SBNO2: variants seen among roughly 807,000 people sequenced by gnomAD.
SBNO2 encodes strawberry notch homolog 2.
A neutral mutation model predicts 146.3 loss-of-function variants in SBNO2; 89 were observed. The ratio of observed to expected loss-of-function variants is 0.61; its 90% CI spans 0.51 to 0.73. The LOEUF is 0.73. SBNO2 is among the 30% of genes least tolerant of loss of function. SBNO2 has a pLI of 0.00. For synonymous variants in SBNO2, 1,147 were observed against 892.6 expected (o/e 1.29, Z -5.08); for missense variants, 2,092 against 2,003.7 (o/e 1.04, Z -0.84).
chr19:1,131,454 C>T (rs2080027444), intron 4 of SBNO2, among the ~76,000 whole-genome samples: 2 of 152,172 alleles, frequency 1.3e-5, no homozygotes, highest in African/African-American at 4.8e-5. Flanking sequence ...TGGCTCTGCC[C>T]GCTTCAAAAG....
In SBNO2 at chr19:1,116,847, C is replaced by T. The variant is rs777285330; in HGVS notation, c.1784G>A (p.Cys595Tyr). 6.7e-5 allele frequency: 107 copies of T among 1,590,718 alleles called. No individual in the cohort carries two copies. The highest frequency in any genetic ancestry group is 9.4e-5 in the African/African-American group (7 of 74,538). ...CACTTACTCAGCGGCCGAGACGAAG[C>T]AGTTGAGGTGCCCATCGTTCTCCCC... The part of the protein sequence containing the change: ...VLGENDGHLN[C>Y]FVSAAEGVFL... Residue 595 changes from cysteine (C) to tyrosine (Y), a missense_variant, in exon 16 of 32, where the codon TGC becomes TAC. Cys to Tyr is a radical substitution (Grantham distance 194). Transcript: ENST00000361757.
At chr19:1,111,209 C>T in intron 24 of SBNO2, 116 bp from the exon 25 acceptor site, 2 of 1,222,200 alleles carry the variant, frequency 1.6e-6, no homozygotes, top group East Asian at 2.5e-5. Context: ...CAGCTGCAGC[C>T]TAGGGCCAGG....
At position 1,158,437 on chromosome 19, in the gene SBNO2, G is replaced by A. The variant is rs1348812729; in HGVS notation, c.-126-4035C>T. ...CTCAGGCCACGCTGTGCCCACGTTC[G>A]CGACGGCAAAGCGGAGACCCTGAGA... On this transcript the variant is annotated intron_variant, in intron 1 of 31. Coordinates refer to ENST00000361757, the MANE Select transcript of SBNO2 (RefSeq NM_014963.3). This position sits in a 1 kb window ranked among gnomAD's most constrained non-coding sequence, Gnocchi z 9.9. Among the ~76,000 whole-genome samples, 1 of 152,130 alleles carries A rather than the reference G, an allele frequency of 6.6e-6. No homozygotes were observed. The highest frequency in any genetic ancestry group is 2.4e-5 in the African/African-American group (1 of 41,424).
At chr19:1,129,734 G>T (rs977931072) in intron 4 of SBNO2, among the ~76,000 whole-genome samples, 2 of 152,188 alleles carry the variant, frequency 1.3e-5, no homozygotes, top group African/African-American at 4.8e-5. Flanking sequence ...AGCCAGGAGC[G>T]GGGGTGAGTT....
chr19:1,143,017 T>G (rs550929918), intron 4 of SBNO2, among the ~76,000 whole-genome samples: 9 of 152,246 alleles, frequency 5.9e-5, no homozygotes, highest in Admixed American at 5.2e-4. Flanking sequence ...GGGTTTTACA[T>G]TCACCCTCAC....
intron 5 of SBNO2, among the ~76,000 whole-genome samples, chr19:1,125,661 G>GAGAGACTCTGTCTTAAAAAAAGAAAAAAA: frequency 6.8e-6 from 1 of 146,094 alleles, no homozygotes; most frequent in South Asian, 2.2e-4. Flanking sequence ...CGACAAGAGC[G>GAGAGACTCTGTCTTAAAAAAAGAAAAAAA]AGAGACTCTG....
At position 1,157,284 on chromosome 19, in the gene SBNO2, T is replaced by C. The variant is rs1436997705; in HGVS notation, c.-126-2882A>G. The stretch of plus-strand genomic sequence containing the variant: ...CCCAGGATAAACCCTAGTGGGACAC[T>C]GGGTGGGGTCTTGGGGCCTGAGAAC... On this transcript the variant is annotated intron_variant, in intron 1 of 31. Transcript: ENST00000361757. This position sits in a 1 kb window ranked among gnomAD's most constrained non-coding sequence, Gnocchi z 6.8. 1.8e-4 allele frequency among the ~76,000 whole-genome samples: 27 copies of C among 151,778 alleles called. No individual in the cohort carries two copies. Among genetic ancestry groups the C allele is most frequent in the Admixed American group, 1.8e-3 (27 of 15,214 alleles).
rs2080171665 is a variant in SBNO2 at position 1,144,775 on chromosome 19, GACAA to G, written c.279+2530_279+2533del. 6.6e-6 allele frequency among the ~76,000 whole-genome samples: 1 copy of G among 151,118 alleles called. No homozygotes were observed. ...AGGGAGACAGAGAGACAGAGGCAGA[GACAA>G]AGAGACAGAGACAGAGAGGGAGACA... On this transcript the variant is annotated intron_variant, in intron 4 of 31. Transcript: ENST00000361757. This position sits in a 1 kb window ranked among gnomAD's most constrained non-coding sequence, Gnocchi z 4.1.
intron 24 of SBNO2, 93 bp from the exon 25 acceptor site, chr19:1,111,186 G>A (rs545673330): frequency 2.9e-6 from 4 of 1,389,682 alleles, no homozygotes; most frequent in African/African-American, 2.9e-5. Context: ...CAGCTCCCTG[G>A]GGGGCTGGGG....
At chr19:1,170,924 C>A (rs1223203883) in intron 1 of SBNO2, among the ~76,000 whole-genome samples, 1 of 1,460 alleles carries the variant, frequency 6.8e-4, no homozygotes, top group East Asian at 0.045. Flanking sequence ...TGGGCACAGG[C>A]AACACACACA....
chr19:1,111,490 C>T lies in SBNO2; in HGVS notation c.2809+16G>A. ...CCCCTGCCCCTCCCAGGAAGACCCC[C>T]ACCAGCCCAGCTTACCCCGGAAGAA... On this transcript the variant is annotated intron_variant, in intron 24 of 31. Coordinates refer to ENST00000361757, the MANE Select transcript of SBNO2 (RefSeq NM_014963.3). 6.5e-7 allele frequency: 1 copy of T among 1,536,578 alleles called. No individual in the cohort carries two copies. The highest frequency in any genetic ancestry group is 8.8e-7 in the Non-Finnish European group (1 of 1,131,266).
chr19:1,110,578 TC>T lies in SBNO2; in HGVS notation c.3028+166del. On this transcript the variant is annotated intron_variant, in intron 26 of 31. Transcript: ENST00000361757. The surrounding 1 kb of genome is among the most constrained non-coding windows in gnomAD (Gnocchi z 4.9). ...CGAGCCCACCTGGGATGCCCGGCGT[TC>T]CCACGAGCCCCTCGCCCACCCGGGA... 1.4e-6 allele frequency: 1 copy of T among 736,908 alleles called. No homozygotes were observed. Among genetic ancestry groups the T allele is most frequent in the South Asian group, 2.8e-5 (1 of 35,210 alleles). The allele number at this position is 736,908 out of a possible 1,614,324, so 45.6% of individuals were successfully genotyped here.
chr19:1,118,201 G>A (rs2079855875), intron 14 of SBNO2, among the ~76,000 whole-genome samples: 2 of 152,196 alleles, frequency 1.3e-5, no homozygotes, highest in African/African-American at 4.8e-5. Flanking sequence ...TGGCCGGGCT[G>A]GTGGCACATG....
rs764057761 is a variant in SBNO2, at chr19:1,109,566, G to A, written c.3156C>T (p.Asp1052=). ...TCAGCGCCAGCGACTTGGCAAAGGC[G>A]TCCTCCCACTTCAGGCCGCGGTCCA... The part of the protein sequence containing the change: ...ISVDRGLKWE[D]AFAKSLALTG... Residue 1052 remains aspartate, a synonymous_variant, in exon 28 of 32, where the codon GAC becomes GAT. Transcript: ENST00000361757. The surrounding 1 kb of genome is among the most constrained non-coding windows in gnomAD (Gnocchi z 4.2). 3.8e-6 allele frequency: 6 copies of A among 1,599,276 alleles called. No individual in the cohort carries two copies. Among genetic ancestry groups the A allele is most frequent in the Admixed American group, 1.7e-5 (1 of 58,132 alleles).
intron 5 of SBNO2, chr19:1,127,403 C>T (rs1044256603): frequency 5.0e-5 from 30 of 600,536 alleles, no homozygotes; most frequent in East Asian, 1.1e-4. Context: ...ATGTCCTGGA[C>T]GTCGCCTTCT....
At chr19:1,113,839 C>A in intron 18 of SBNO2, 135 bp from the exon 19 acceptor site, 1 of 1,188,862 alleles carries the variant, frequency 8.4e-7, no homozygotes, top group Non-Finnish European at 1.1e-6. Context: ...GGCGGGGAAG[C>A]CCGGCACCGT....
At chr19:1,169,853 G>T (rs2080460828) in intron 1 of SBNO2, among the ~76,000 whole-genome samples, 1 of 152,096 alleles carries the variant, frequency 6.6e-6, no homozygotes, top group Admixed American at 6.5e-5. Flanking sequence ...GTATTCTAAG[G>T]CAGACCACCA....
intron 4 of SBNO2, among the ~76,000 whole-genome samples, chr19:1,143,782 G>A (rs999323952): frequency 1.1e-4 from 17 of 152,110 alleles, no homozygotes; most frequent in Admixed American, 2.6e-4. Flanking sequence ...CTCCCGTCTC[G>A]GGTCCATCAC....
chr19:1,124,911 C>A (rs2079947997), intron 5 of SBNO2, among the ~76,000 whole-genome samples: 1 of 152,076 alleles, frequency 6.6e-6, no homozygotes, highest in African/African-American at 2.4e-5. Flanking sequence ...CGTCGTCATG[C>A]CCACTGTCCA....
Sources: gnomAD v4.1 joint callset for allele counts (sites outside exome capture counted in the v4.1 genomes callset) on GRCh38, gnomAD v4.1.1 for gene constraint, Gnocchi (gnomAD v3.1) non-coding constraint, MANE v1.5 for transcripts, NCBI Gene and HGNC (gene_info 2026-07-23, HGNC 2026-07-21) for gene names.